Variants in WIPF2 observed in about 807,000 individuals in gnomAD.
The protein encoded by WIPF2 is WAS/WASL-interacting protein family member 2.
In WIPF2, 23 loss-of-function variants were observed where a neutral mutation model predicts 38.8. The ratio of observed to expected loss-of-function variants is 0.59; its 90% CI spans 0.43 to 0.84. The LOEUF (loss-of-function observed/expected upper bound fraction) is 0.84. Among genes scored for constraint, WIPF2 ranks in the 40% least tolerant of loss-of-function variants. The pLI is 0.00. For synonymous variants in WIPF2, 210 were observed against 223.2 expected, an observed-to-expected ratio of 0.94 and a Z score of 0.53; for missense variants, 574 against 580.5, an observed-to-expected ratio of 0.99 and a Z score of 0.11.
chr17:40,248,742 T>C lies in WIPF2; in HGVS notation c.-69-7649T>C, dbSNP rs920442012. Among the ~76,000 whole-genome samples the C allele has an allele frequency of 2.0e-5, 3 of 152,326 alleles. No individual in the cohort carries two copies. The South Asian group carries it at 6.2e-4, about 32-fold the overall frequency. ...TTCTTTTGAAGACACAACTGTCTTC[T>C]CCTTAGATTATCTGGGAGATAGAGT... On this transcript the variant is annotated intron_variant, in intron 1 of 7. Coordinates refer to ENST00000323571, the MANE Select transcript of WIPF2 (RefSeq NM_133264.5).
intron 5 of WIPF2, among the ~76,000 whole-genome samples, chr17:40,272,302 A>G (rs891668551): frequency 6.6e-6 from 1 of 152,150 alleles, no homozygotes; most frequent in Non-Finnish European, 1.5e-5. Context: ...TACAGGCGTG[A>G]GCCACCGTGC....
In WIPF2 at chr17:40,277,066, T is replaced by G. The variant is rs779901433; in HGVS notation, c.1181-17T>G. ...CAAGCAAGGATGATAGGAATTAATG[T>G]TCTATTCTTTTCGCAGATGATTTTG... On this transcript the variant is annotated splice_polypyrimidine_tract_variant and intron_variant, in intron 6 of 7. Coordinates refer to ENST00000323571, the MANE Select transcript of WIPF2 (RefSeq NM_133264.5). 6.3e-7 allele frequency: 1 copy of G among 1,599,204 alleles called. No homozygotes were observed. The highest frequency in any genetic ancestry group is 1.1e-5 in the South Asian group (1 of 89,802).
chr17:40,240,107 G>C (rs891811339), intron 1 of WIPF2, among the ~76,000 whole-genome samples: 9 of 151,502 alleles, frequency 5.9e-5, no homozygotes, highest in Admixed American at 1.3e-4. Context: ...TGTTGCCCGG[G>C]CTGGAGTGCA....
chr17:40,271,681 TAAAC>T (rs932493283), intron 5 of WIPF2, among the ~76,000 whole-genome samples: 4 of 152,174 alleles, frequency 2.6e-5, no homozygotes, highest in African/African-American at 7.2e-5. Context: ...TCTGTGACCT[TAAAC>T]AAATAACCTG....
intron 5 of WIPF2, among the ~76,000 whole-genome samples, chr17:40,267,800 G>C (rs2032138071): frequency 6.6e-6 from 1 of 152,066 alleles, no homozygotes. Flanking sequence ...CCAGCCCTTA[G>C]CTTTTATTTT....
rs995304007 is a variant in WIPF2 at position 40,280,606 on chromosome 17, T to C, written c.*2381T>C. On this transcript the variant is annotated 3_prime_UTR_variant, in exon 8 of 8. Coordinates refer to ENST00000323571, the MANE Select transcript of WIPF2 (RefSeq NM_133264.5). ...GAACTTTGACTGTGAAGTCTTCCCATTTATTTTTGAAATGGGAGTCGATGC... is the reference window on the plus strand; with the variant it reads ...GAACTTTGACTGTGAAGTCTTCCCACTTATTTTTGAAATGGGAGTCGATGC... 6.6e-6 allele frequency: 1 copy of C among 152,650 alleles called. No individual in the cohort carries two copies. The highest frequency in any genetic ancestry group is 2.4e-5 in the African/African-American group (1 of 41,458). 9.5% of individuals were successfully genotyped at this position (152,650 alleles called of 1,614,324 possible). A position where few individuals can be genotyped will look rare whatever the true frequency, so the allele number is the denominator to read the frequency against.
intron 1 of WIPF2, among the ~76,000 whole-genome samples, chr17:40,228,086 GCTCACTGCAAGCTCCGCCTCC>G: frequency 7.2e-6 from 1 of 138,182 alleles, no homozygotes; most frequent in African/African-American, 2.7e-5. Flanking sequence ...CGGGATCTCG[GCTCACTGCAAGCTCCGCCTCC>G]CGGGTTCACG....
chr17:40,251,550 T>G (rs1223328076), intron 1 of WIPF2, among the ~76,000 whole-genome samples: 3 of 152,222 alleles, frequency 2.0e-5, no homozygotes, highest in African/African-American at 4.8e-5. Flanking sequence ...CTAAGAAATT[T>G]GGAATGAGTT....
intron 1 of WIPF2, among the ~76,000 whole-genome samples, chr17:40,222,372 A>G (rs72836642): frequency 0.13 from 19,799 of 150,912 alleles, 1,425 homozygotes; most frequent in East Asian, 0.29. Context: ...TTAAAGGAAA[A>G]CAAGGCTGGG....
At chr17:40,250,982 C>T (rs1320803732) in intron 1 of WIPF2, among the ~76,000 whole-genome samples, 1 of 144,988 alleles carries the variant, frequency 6.9e-6, no homozygotes, top group Non-Finnish European at 1.5e-5. Context: ...GGCGCAATCT[C>T]GGCTCACTGC....
rs1230026132 is a variant in WIPF2, at chr17:40,265,049, C to G, written c.873C>G (p.Val291=). Reference sequence around the variant, plus strand: ...TGCATAGGAAGACACCAGGGCCTGTCAGAGGCCTAGCACCTCCTCCACCCA... The same window carrying G: ...TGCATAGGAAGACACCAGGGCCTGTGAGAGGCCTAGCACCTCCTCCACCCA... ...NSLHRKTPGP[V]RGLAPPPPTS... The change falls in exon 5 of 8, where the codon GTC becomes GTG. Residue 291 remains valine (V), a synonymous_variant. Coordinates refer to ENST00000323571, the MANE Select transcript of WIPF2 (RefSeq NM_133264.5). 2 of 1,613,972 alleles carry G rather than the reference C, an allele frequency of 1.2e-6. No homozygotes were observed. The highest frequency in any genetic ancestry group is 2.2e-5 in the East Asian group (1 of 44,884).
At chr17:40,265,882 T>A (rs2032072385) in intron 5 of WIPF2, among the ~76,000 whole-genome samples, 1 of 152,158 alleles carries the variant, frequency 6.6e-6, no homozygotes, top group Non-Finnish European at 1.5e-5. Flanking sequence ...GGAGACCAGT[T>A]ACTGGGCTGT....
chr17:40,249,452 G>GTT (rs201564200), intron 1 of WIPF2, among the ~76,000 whole-genome samples: 16 of 144,944 alleles, frequency 1.1e-4, no homozygotes, highest in East Asian at 2.0e-4. Context: ...GAAGGAAGCA[G>GTT]TTTTTTTTTT....
intron 1 of WIPF2, among the ~76,000 whole-genome samples, chr17:40,253,308 C>A (rs960620037): frequency 1.3e-5 from 2 of 152,072 alleles, no homozygotes; most frequent in Non-Finnish European, 2.9e-5. Context: ...ATGATCTGCC[C>A]GCCTTGGCCT....
In WIPF2 at chr17:40,220,618, TGTATATATATATA is replaced by T. The variant is rs1383552431; in HGVS notation, c.-70+1127_-70+1139del. 3.0e-4 allele frequency: 34 copies of T among 112,662 alleles called. 1 individual carries two copies. The Admixed American group carries it at 3.4e-3, about 11-fold the overall frequency. 7.0% of individuals were successfully genotyped at this position (112,662 alleles called of 1,614,324 possible). On this transcript the variant is annotated intron_variant, in intron 1 of 7. Coordinates refer to ENST00000323571, the MANE Select transcript of WIPF2 (RefSeq NM_133264.5). The stretch of plus-strand genomic sequence containing the variant: ...ATATATATATATATATATATATATA[TGTATATATATATA>T]TTTTTTTGTTGTTGTTGTTGGAGAC...
chr17:40,246,218 C>T (rs1178835353), intron 1 of WIPF2, among the ~76,000 whole-genome samples: 1 of 150,800 alleles, frequency 6.6e-6, no homozygotes, highest in Non-Finnish European at 1.5e-5. Flanking sequence ...TCCAGAGTAG[C>T]TGGGATTACA....
intron 5 of WIPF2, among the ~76,000 whole-genome samples, chr17:40,270,890 G>C (rs938381977): frequency 6.6e-6 from 1 of 152,122 alleles, no homozygotes; most frequent in Non-Finnish European, 1.5e-5. Context: ...GATTGTGTGT[G>C]TGTGTGTGTG....
rs1202976110 is a variant in WIPF2 at position 40,282,158 on chromosome 17, GT to G, written c.*3936del. The G allele has an allele frequency of 6.6e-6, 1 of 151,208 alleles. No individual in the cohort carries two copies. Among genetic ancestry groups the G allele is most frequent in the Non-Finnish European group, 1.5e-5 (1 of 67,908 alleles). The allele number at this position is 151,208 out of a possible 1,614,324, so 9.4% of individuals were successfully genotyped here. ...AAGGATAACTTTAACCGAAGGAAGG[GT>G]TTGGTTCCATTCAACTCCACATTCA... On this transcript the variant is annotated 3_prime_UTR_variant, in exon 8 of 8. Coordinates refer to ENST00000323571, the MANE Select transcript of WIPF2 (RefSeq NM_133264.5).
rs1208617834 is a variant in WIPF2, at chr17:40,281,954, C to G, written c.*3729C>G. ...TACAGTCTTTCTTTCCCCATTGAAT[C>G]TCAGTCCCTGGCCATGTGGTCAAGG... On this transcript the variant is annotated 3_prime_UTR_variant, in exon 8 of 8. Coordinates refer to ENST00000323571, the MANE Select transcript of WIPF2 (RefSeq NM_133264.5). 1 of 152,424 alleles carries G rather than the reference C, an allele frequency of 6.6e-6. No homozygotes were observed. The highest frequency in any genetic ancestry group is 1.9e-4 in the East Asian group (1 of 5,176). The allele number at this position is 152,424 out of a possible 1,614,324, so 9.4% of individuals were successfully genotyped here.
Sources: allele counts gnomAD v4.1 joint callset (sites outside exome capture counted in the v4.1 genomes callset), GRCh38; gene constraint gnomAD v4.1.1; transcripts MANE v1.5; gene names NCBI Gene and HGNC (gene_info 2026-07-23, HGNC 2026-07-21).